Variants in VDAC1 observed in about 807,000 individuals in gnomAD.
VDAC1 encodes the protein non-selective voltage-gated ion channel VDAC1.
In VDAC1, 10 loss-of-function variants were observed where a neutral mutation model predicts 34.7. The observed-to-expected ratio is 0.29, with a 90% CI of 0.18 to 0.49. The LOEUF (loss-of-function observed/expected upper bound fraction) is 0.49, where lower values mean the gene tolerates loss of function less well. VDAC1 is among the 20% of genes least tolerant of loss of function. VDAC1 has a pLI of 0.99. For missense variants in VDAC1, 230 were observed against 347.9 expected, an observed-to-expected ratio of 0.66 and a Z score of 2.69; for synonymous variants, 130 against 136.0, an observed-to-expected ratio of 0.96 and a Z score of 0.30.
intron 3 of VDAC1, among the ~76,000 whole-genome samples, 198 bp from the exon 4 acceptor site, chr5:133,991,352 G>C (rs576403197): frequency 7.2e-5 from 11 of 152,276 alleles, no homozygotes; most frequent in African/African-American, 2.6e-4. Flanking sequence ...AATCTTATGG[G>C]GAATTTGTTG....
At chr5:134,114,292 A>T in the VDAC1 span, among the ~76,000 whole-genome samples, 1 of 152,086 alleles carries the variant, frequency 6.6e-6, no homozygotes. Flanking sequence ...GGAAGCCCCC[A>T]GTTCAAAGCA....
the VDAC1 span, among the ~76,000 whole-genome samples, chr5:134,048,463 C>T: frequency 1.2e-4 from 18 of 151,942 alleles, no homozygotes; most frequent in East Asian, 3.9e-4. Flanking sequence ...GATAGGGTTT[C>T]GCCATGTTGC....
At chr5:134,050,701 T>C in the VDAC1 span, among the ~76,000 whole-genome samples, 1 of 152,230 alleles carries the variant, frequency 6.6e-6, no homozygotes, top group East Asian at 1.9e-4. Context: ...AAGAAACTTC[T>C]TGAAAAACTC....
At chr5:134,043,277 A>G in the VDAC1 span, among the ~76,000 whole-genome samples, 2 of 152,218 alleles carry the variant, frequency 1.3e-5, no homozygotes, top group South Asian at 4.1e-4. Flanking sequence ...GCCCAGTCTC[A>G]TGTGAGCTTC....
chr5:134,105,703 G>A, the VDAC1 span, among the ~76,000 whole-genome samples: 13 of 152,250 alleles, frequency 8.5e-5, no homozygotes, highest in African/African-American at 3.1e-4. Context: ...ACCCAGGGAA[G>A]CTGCATGGGG....
At chr5:133,992,550 C>A (rs1023363827) in intron 2 of VDAC1, among the ~76,000 whole-genome samples, 195 bp from the exon 3 acceptor site, 1 of 149,022 alleles carries the variant, frequency 6.7e-6, no homozygotes, top group East Asian at 1.9e-4. Flanking sequence ...ACAGAATGGG[C>A]ACCCCCACCT....
the VDAC1 span, among the ~76,000 whole-genome samples, chr5:134,064,028 G>A: frequency 7.0e-6 from 1 of 142,596 alleles, no homozygotes; most frequent in Non-Finnish European, 1.5e-5. Context: ...TTTAGAGACA[G>A]GTTCTCCCTA....
the VDAC1 span, among the ~76,000 whole-genome samples, chr5:134,109,969 TCCA>T: frequency 2.6e-5 from 4 of 152,274 alleles, no homozygotes; most frequent in South Asian, 8.3e-4. Flanking sequence ...CAGTGGCCAC[TCCA>T]CGTTTGCCTT....
the VDAC1 span, among the ~76,000 whole-genome samples, chr5:134,105,411 C>T: frequency 9.2e-5 from 14 of 152,346 alleles, no homozygotes; most frequent in Non-Finnish European, 1.5e-4. Flanking sequence ...GAGTCACTTC[C>T]GCTCTCTGAG....
chr5:134,065,527 G>T, the VDAC1 span, among the ~76,000 whole-genome samples: 2 of 151,458 alleles, frequency 1.3e-5, no homozygotes, highest in Non-Finnish European at 1.5e-5. Context: ...TTTTCGTAGA[G>T]ACAGGGTTTT....
At chr5:134,000,584 C>T (rs1337303992) in intron 1 of VDAC1, among the ~76,000 whole-genome samples, 1 of 152,184 alleles carries the variant, frequency 6.6e-6, no homozygotes, top group Non-Finnish European at 1.5e-5. Context: ...AGTGCTTGGG[C>T]AGGAAGCCTC....
At chr5:134,014,175 G>T in the VDAC1 span, among the ~76,000 whole-genome samples, 4 of 151,622 alleles carry the variant, frequency 2.6e-5, no homozygotes, top group Non-Finnish European at 5.9e-5. Context: ...TGTAATCCCA[G>T]CTACTCAGGA....
the VDAC1 span, among the ~76,000 whole-genome samples, chr5:134,078,608 A>G: frequency 6.6e-6 from 1 of 151,480 alleles, no homozygotes; most frequent in Non-Finnish European, 1.5e-5. Flanking sequence ...GCAAGATAGT[A>G]AGTAAGAAGG....
At chr5:134,073,019 T>C in the VDAC1 span, among the ~76,000 whole-genome samples, 1 of 152,078 alleles carries the variant, frequency 6.6e-6, no homozygotes, top group African/African-American at 2.4e-5. Context: ...GGCGGTTGGA[T>C]GCCAAGAAAA....
At chr5:134,050,895 C>G in the VDAC1 span, among the ~76,000 whole-genome samples, 1 of 152,152 alleles carries the variant, frequency 6.6e-6, no homozygotes, top group East Asian at 1.9e-4. Flanking sequence ...GCAAAAAAGC[C>G]ATCAGGAGTT....
At chr5:134,101,448 C>T in the VDAC1 span, among the ~76,000 whole-genome samples, 3 of 151,820 alleles carry the variant, frequency 2.0e-5, no homozygotes, top group Non-Finnish European at 2.9e-5. Flanking sequence ...AAAAATTAGC[C>T]GGGCGTGGTG....
the VDAC1 span, among the ~76,000 whole-genome samples, chr5:134,031,696 A>G: frequency 6.6e-6 from 1 of 152,160 alleles, no homozygotes; most frequent in African/African-American, 2.4e-5. Flanking sequence ...TCATGCCATA[A>G]TCCCAGCACT....
chr5:134,069,402 A>T, the VDAC1 span, among the ~76,000 whole-genome samples: 1 of 152,146 alleles, frequency 6.6e-6, no homozygotes, highest in Non-Finnish European at 1.5e-5. Flanking sequence ...AGAGGAACAT[A>T]TGAAGGTGGA....
At chr5:134,100,679 T>C in the VDAC1 span, among the ~76,000 whole-genome samples, 1 of 152,230 alleles carries the variant, frequency 6.6e-6, no homozygotes, top group Non-Finnish European at 1.5e-5. Flanking sequence ...CGAGACTCCG[T>C]CGGGGAATCC....
Sources: allele counts gnomAD v4.1 joint callset (sites outside exome capture counted in the v4.1 genomes callset), GRCh38; gene constraint gnomAD v4.1.1; transcripts MANE v1.5; gene names NCBI Gene and HGNC (gene_info 2026-07-23, HGNC 2026-07-21).